The following MGAT5B variants were observed in gnomAD, a reference collection of about 807,000 sequenced individuals.
The protein encoded by MGAT5B is N-acetylglucosaminyl-transferase Vb.
A neutral mutation model predicts 95.1 loss-of-function variants in MGAT5B; 54 were observed. The observed-to-expected ratio is 0.57, with a 90% CI of 0.46 to 0.71. The LOEUF is 0.71. Ranked by LOEUF, MGAT5B falls within the 30% of genes least tolerant of loss-of-function variation. The pLI is 0.00. For synonymous variants in MGAT5B, 464 were observed against 451.0 expected (o/e 1.03, Z -0.36); for missense variants, 935 against 1,088.6 (o/e 0.86, Z 1.99).
intron 2 of MGAT5B, among the ~76,000 whole-genome samples, chr17:76,880,195 T>C (rs1368901150): frequency 6.6e-6 from 1 of 151,862 alleles, no homozygotes; most frequent in Admixed American, 6.6e-5. Flanking sequence ...GCCCGCCACA[T>C]CCCCCCTGCT....
intron 1 of MGAT5B, among the ~76,000 whole-genome samples, chr17:76,871,030 G>C (rs945799228): frequency 1.3e-5 from 2 of 152,108 alleles, no homozygotes; most frequent in East Asian, 3.9e-4. Context: ...TGGGCTGAAG[G>C]GGGTAGACAC....
At position 76,915,762 on chromosome 17, in the gene MGAT5B, A is replaced by G. The variant is rs887213468; in HGVS notation, c.1026-9204A>G. ...GAGGCACGAGAGGCCGACGATTACA[A>G]TTCACTAAAAATCCCCGGCCCCTCT... On this transcript the variant is annotated intron_variant, in intron 8 of 17. Coordinates refer to ENST00000569840, the MANE Select transcript of MGAT5B (RefSeq NM_001199172.2). The surrounding 1 kb of genome is among the most constrained non-coding windows in gnomAD (Gnocchi z 8.7). Among the ~76,000 whole-genome samples, 1 of 152,136 alleles carries G rather than the reference A, an allele frequency of 6.6e-6. No individual in the cohort carries two copies. Among genetic ancestry groups the G allele is most frequent in the Admixed American group, 6.5e-5 (1 of 15,270 alleles).
At position 76,869,065 on chromosome 17, in the gene MGAT5B, C is replaced by T; in HGVS notation, c.36C>T (p.Val12=). The change falls in exon 1 of 18, where the codon GTC becomes GTT. Residue 12 remains valine (V), a synonymous_variant. Coordinates refer to ENST00000569840, the MANE Select transcript of MGAT5B (RefSeq NM_001199172.2). The surrounding 1 kb of genome is among the most constrained non-coding windows in gnomAD (Gnocchi z 7.0). Reference sequence around the variant, plus strand: ...TCAACCCCGATGGGAAGATAATGGTCAGAAGATGCCTGGTCACCCTGAGAC... The same window carrying T: ...TCAACCCCGATGGGAAGATAATGGTTAGAAGATGCCTGGTCACCCTGAGAC... ...ITVNPDGKIM[V]RRCLVTLRPF... The T allele has an allele frequency of 6.2e-7, 1 of 1,614,102 alleles. No homozygotes were observed. The highest frequency in any genetic ancestry group is 1.7e-5 in the Admixed American group (1 of 60,036).
intron 8 of MGAT5B, among the ~76,000 whole-genome samples, chr17:76,919,923 C>T (rs1452166968): frequency 6.6e-6 from 1 of 152,174 alleles, no homozygotes; most frequent in East Asian, 1.9e-4. Context: ...CCTTCCTGCC[C>T]CGAGAGGGTA....
chr17:76,891,999 A>T, intron 3 of MGAT5B, among the ~76,000 whole-genome samples: 1 of 152,154 alleles, frequency 6.6e-6, no homozygotes, highest in East Asian at 1.9e-4. Context: ...ACCCCACTGA[A>T]TAAGAAAAAG....
Position 76,915,974 on chromosome 17 carries a change from AC to A in MGAT5B, c.1026-8990del, listed in dbSNP as rs1159763874. ...TCAGACTTGGGTAGGCAGAAGACCT[AC>A]CTAGACTGCGGGTAAGGGGACAGAG... On this transcript the variant is annotated intron_variant, in intron 8 of 17. Transcript: ENST00000569840. This position sits in a 1 kb window ranked among gnomAD's most constrained non-coding sequence, Gnocchi z 8.7. Among the ~76,000 whole-genome samples, 50 of 152,334 alleles carry A rather than the reference AC, an allele frequency of 3.3e-4. No homozygotes were observed.
At chr17:76,921,692 G>A (rs1969129395) in intron 8 of MGAT5B, among the ~76,000 whole-genome samples, 1 of 152,184 alleles carries the variant, frequency 6.6e-6, no homozygotes, top group Non-Finnish European at 1.5e-5. Context: ...CAGGGGTTAG[G>A]TGGGGAAGCA....
chr17:76,926,470 G>A (rs1284154964), intron 9 of MGAT5B, 127 bp from the exon 10 acceptor site: 3 of 899,252 alleles, frequency 3.3e-6, no homozygotes, highest in Non-Finnish European at 5.0e-6. Flanking sequence ...TAGTCCAAGT[G>A]CTAACACACA....
At position 76,938,146 on chromosome 17, in the gene MGAT5B, G is replaced by A. The variant is rs753809807; in HGVS notation, c.1584+3G>A. Reference sequence around the variant, plus strand: ...AGCAGCTGCTGCGCAAGGCCAAAGTGAGCTCCCATCCCCCGCACCATTCTC... The same window carrying A: ...AGCAGCTGCTGCGCAAGGCCAAAGTAAGCTCCCATCCCCCGCACCATTCTC... On this transcript the variant is annotated splice_donor_region_variant and intron_variant, in intron 13 of 17. Transcript: ENST00000569840. The surrounding 1 kb of genome is among the most constrained non-coding windows in gnomAD (Gnocchi z 4.3). 2 of 1,613,838 alleles carry A rather than the reference G, an allele frequency of 1.2e-6. No individual in the cohort carries two copies. The highest frequency in any genetic ancestry group is 1.1e-5 in the South Asian group (1 of 91,066).
intron 3 of MGAT5B, among the ~76,000 whole-genome samples, chr17:76,898,646 CTG>C (rs1242065189): frequency 6.6e-6 from 1 of 152,146 alleles, no homozygotes; most frequent in Non-Finnish European, 1.5e-5. Flanking sequence ...CATTCTGACT[CTG>C]AGATTCGTCT....
rs937995228 is a variant in MGAT5B, at chr17:76,948,583, C to A, written c.2181-57C>A. ...GCTGGGGGCAGCCCCTACCCCGCCC[C>A]AGCCCTTCTGCCCAAGTGACCAACG... On this transcript the variant is annotated intron_variant, in intron 17 of 17. Coordinates refer to ENST00000569840, the MANE Select transcript of MGAT5B (RefSeq NM_001199172.2). 25 of 1,536,182 alleles carry A rather than the reference C, an allele frequency of 1.6e-5. 1 individual carries two copies. The highest frequency in any genetic ancestry group is 2.0e-5 in the Non-Finnish European group (23 of 1,129,332).
intron 3 of MGAT5B, among the ~76,000 whole-genome samples, chr17:76,890,557 G>A (rs1025004925): frequency 2.0e-5 from 3 of 152,170 alleles, no homozygotes; most frequent in African/African-American, 7.2e-5. Context: ...AGACTGGAGT[G>A]CAGTGGCACA....
intron 1 of MGAT5B, among the ~76,000 whole-genome samples, chr17:76,872,191 G>T (rs1042746891): frequency 2.0e-5 from 3 of 152,128 alleles, no homozygotes; most frequent in Non-Finnish European, 2.9e-5. Flanking sequence ...ATGTGTGTTG[G>T]GGGGAGCCTG....
intron 3 of MGAT5B, among the ~76,000 whole-genome samples, chr17:76,882,844 A>C (rs1177268968): frequency 4.0e-5 from 6 of 149,954 alleles, no homozygotes; most frequent in Non-Finnish European, 7.4e-5. Context: ...CCTCCTGAGT[A>C]GCTGGGACTA....
At chr17:76,872,668 T>C (rs1294968375) in intron 1 of MGAT5B, 183 bp from the exon 2 acceptor site, 11 of 1,491,194 alleles carry the variant, frequency 7.4e-6, no homozygotes, top group Non-Finnish European at 8.9e-6. Context: ...GTAGTTGAGC[T>C]CTCTTTATCC....
At chr17:76,871,944 A>G (rs1568159224) in intron 1 of MGAT5B, among the ~76,000 whole-genome samples, 1 of 152,154 alleles carries the variant, frequency 6.6e-6, no homozygotes, top group Non-Finnish European at 1.5e-5. Flanking sequence ...TGAGGAAGGA[A>G]GGGTTCTGTG....
At chr17:76,943,199 G>GATT (rs10628068) in intron 15 of MGAT5B, among the ~76,000 whole-genome samples, 5 of 151,172 alleles carry the variant, frequency 3.3e-5, no homozygotes, top group Non-Finnish European at 7.4e-5. Flanking sequence ...TTTCCTGTTT[G>GATT]GTTTTTTTTT....
chr17:76,946,656 G>A (rs757379006), intron 16 of MGAT5B, among the ~76,000 whole-genome samples: 3 of 152,256 alleles, frequency 2.0e-5, no homozygotes, highest in Non-Finnish European at 2.9e-5. Flanking sequence ...AGCACACTCC[G>A]GGCACTCCTG....
chr17:76,907,298 G>A (rs1213102366), intron 8 of MGAT5B, among the ~76,000 whole-genome samples: 1 of 152,136 alleles, frequency 6.6e-6, no homozygotes, highest in Non-Finnish European at 1.5e-5. Flanking sequence ...TGATCCACCC[G>A]CCTCGGCCTC....
Sources: gnomAD v4.1 joint callset for allele counts (sites outside exome capture counted in the v4.1 genomes callset) on GRCh38, gnomAD v4.1.1 for gene constraint, Gnocchi (gnomAD v3.1) non-coding constraint, MANE v1.5 for transcripts, NCBI Gene and HGNC (gene_info 2026-07-23, HGNC 2026-07-21) for gene names.